TCAIM: variants seen among roughly 807,000 people sequenced by gnomAD.
The protein encoded by TCAIM is T cell activation inhibitor, mitochondrial.
TCAIM carries 36 observed loss-of-function variants against 58.6 expected under a neutral mutation model. The ratio of observed to expected loss-of-function variants is 0.61; its 90% CI spans 0.47 to 0.81. TCAIM has a LOEUF of 0.81. TCAIM is among the 30% of genes least tolerant of loss of function. TCAIM has a pLI of 0.00. For missense variants in TCAIM, 466 were observed against 579.6 expected (o/e 0.80, Z 2.01); for synonymous variants, 172 against 193.6 (o/e 0.89, Z 0.93).
At chr3:44,361,705 G>A (rs745826992) in intron 4 of TCAIM, among the ~76,000 whole-genome samples, 187 bp downstream of exon 4, 10 of 152,194 alleles carry the variant, frequency 6.6e-5, no homozygotes, top group East Asian at 1.9e-4. Context: ...GATTTTTTGC[G>A]TGTTTAAACG....
At chr3:44,375,863 A>G (rs1701557119) in intron 5 of TCAIM, among the ~76,000 whole-genome samples, 1 of 152,244 alleles carries the variant, frequency 6.6e-6, no homozygotes, top group African/African-American at 2.4e-5. Context: ...GAAAACAGAC[A>G]TTCACACAAA....
intron 5 of TCAIM, among the ~76,000 whole-genome samples, chr3:44,387,905 G>A (rs766716317): frequency 1.1e-4 from 17 of 152,038 alleles, no homozygotes; most frequent in Non-Finnish European, 1.8e-4. Flanking sequence ...AAAAGTTAGA[G>A]ACTAAAATAA....
At chr3:44,340,184 G>C (rs1425660147) in intron 1 of TCAIM, 2 of 152,206 alleles carry the variant, frequency 1.3e-5, no homozygotes, top group Non-Finnish European at 2.9e-5. Flanking sequence ...TCAGTCAGCT[G>C]ATAGTAATTT....
chr3:44,396,445 T>C lies in TCAIM; in HGVS notation c.741T>C (p.His247=). 2.5e-6 allele frequency: 4 copies of C among 1,613,948 alleles called. No individual in the cohort carries two copies. Among genetic ancestry groups the C allele is most frequent in the Non-Finnish European group, 3.4e-6 (4 of 1,180,008 alleles). The change falls in exon 7 of 11, where the codon CAT becomes CAC. Residue 247 remains histidine, a synonymous_variant. Coordinates refer to ENST00000342649, the MANE Select transcript of TCAIM (RefSeq NM_173826.4). ...WGIAHRCSQL[H]SLSRLAQQNL... is the part of the protein sequence containing the mutation. The stretch of plus-strand genomic sequence containing the variant: ...TCGCCCACCGCTGTAGCCAGCTGCA[T>C]AGTTTAAGCCGCTTAGCACAGCAGA...
chr3:44,339,923 A>G (rs1020071191), intron 1 of TCAIM: 4 of 152,202 alleles, frequency 2.6e-5, no homozygotes, highest in African/African-American at 4.8e-5. Flanking sequence ...GACCTGGCCC[A>G]TAAGTGGTGA....
chr3:44,368,018 C>T lies in TCAIM; in HGVS notation c.572+310C>T, dbSNP rs182747396. 3.8e-5 allele frequency: 10 copies of T among 262,356 alleles called. No homozygotes were observed. In the Admixed American group the frequency reaches 3.9e-4, roughly 10 times the overall value. The allele number at this position is 262,356 out of a possible 1,614,324, so 16.3% of individuals were successfully genotyped here. On this transcript the variant is annotated intron_variant, in intron 5 of 10. Transcript: ENST00000342649. ...ACTTTTAAAAATTCTATTCAAGTTA[C>T]CCCCGGTACATGGAGAAAGGCTATA...
chr3:44,380,939 A>G (rs1222048233), intron 5 of TCAIM, among the ~76,000 whole-genome samples: 3 of 152,196 alleles, frequency 2.0e-5, no homozygotes, highest in Non-Finnish European at 2.9e-5. Flanking sequence ...AAAATCTACC[A>G]AGACTAAAGC....
At chr3:44,356,643 A>T (rs903678008) in intron 2 of TCAIM, among the ~76,000 whole-genome samples, 1 of 151,832 alleles carries the variant, frequency 6.6e-6, no homozygotes, top group East Asian at 1.9e-4. Context: ...TTTAAAAAAC[A>T]CTCCCAGGTG....
chr3:44,407,977 G>A lies in TCAIM; in HGVS notation c.*295G>A, dbSNP rs1702126792. 4.7e-6 allele frequency: 1 copy of A among 211,572 alleles called. No individual in the cohort carries two copies. Among genetic ancestry groups the A allele is most frequent in the Non-Finnish European group, 9.3e-6 (1 of 108,092 alleles). 13.1% of individuals were successfully genotyped at this position (211,572 alleles called of 1,614,324 possible). A position where few individuals can be genotyped will look rare whatever the true frequency, so the allele number is the denominator to read the frequency against. On this transcript the variant is annotated 3_prime_UTR_variant, in exon 11 of 11. Transcript: ENST00000342649. ...AGATTGCACCATTGCCCTCCAGCCT[G>A]AGCAACAGAACAAGACCTTGTCTCA...
chr3:44,345,254 A>G (rs1211888568), intron 1 of TCAIM, among the ~76,000 whole-genome samples: 1 of 151,976 alleles, frequency 6.6e-6, no homozygotes, highest in Non-Finnish European at 1.5e-5. Context: ...GTTGTATAGA[A>G]TGATTGGTGA....
At chr3:44,344,821 T>G (rs895857297) in intron 1 of TCAIM, among the ~76,000 whole-genome samples, 2 of 151,830 alleles carry the variant, frequency 1.3e-5, no homozygotes, top group Non-Finnish European at 2.9e-5. Context: ...AAGATTACAG[T>G]CAAAGGGGAT....
intron 6 of TCAIM, 55 bp downstream of exon 6, chr3:44,393,032 C>G: frequency 1.3e-6 from 2 of 1,509,022 alleles, no homozygotes; most frequent in Non-Finnish European, 1.8e-6. Flanking sequence ...GAATTACCAA[C>G]TGATAAGCTT....
At chr3:44,397,115 T>C (rs903916703) in intron 8 of TCAIM, among the ~76,000 whole-genome samples, 2 of 152,252 alleles carry the variant, frequency 1.3e-5, no homozygotes, top group South Asian at 2.1e-4. Flanking sequence ...TTTGTTTTAC[T>C]TGTTCTTAAC....
intron 1 of TCAIM, chr3:44,339,638 A>G (rs996464563): frequency 3.3e-5 from 5 of 152,208 alleles, no homozygotes; most frequent in African/African-American, 4.8e-5. Flanking sequence ...GTCATTTACA[A>G]TGGTTTGTAA....
intron 5 of TCAIM, among the ~76,000 whole-genome samples, chr3:44,379,115 C>G (rs1701614350): frequency 6.6e-6 from 1 of 150,782 alleles, no homozygotes; most frequent in East Asian, 2.0e-4. Flanking sequence ...GGGTGGGGTG[C>G]ATGCAGAGAT....
At chr3:44,340,568 G>A (rs1700835882) in intron 1 of TCAIM, 1 of 152,114 alleles carries the variant, frequency 6.6e-6, no homozygotes, top group Non-Finnish European at 1.5e-5. Context: ...AGCATAAATT[G>A]GGTAGCTAAA....
At chr3:44,407,249 C>G (rs1702114650) in intron 10 of TCAIM, among the ~76,000 whole-genome samples, 193 bp from the exon 11 acceptor site, 1 of 152,078 alleles carries the variant, frequency 6.6e-6, no homozygotes, top group Non-Finnish European at 1.5e-5. Context: ...GACAGTAACT[C>G]AAAAGATTTA....
At chr3:44,350,247 G>T (rs1047761337) in intron 1 of TCAIM, among the ~76,000 whole-genome samples, 6 of 152,108 alleles carry the variant, frequency 3.9e-5, no homozygotes, top group African/African-American at 7.2e-5. Context: ...TGCTCAGTGG[G>T]GGAGCTTCTG....
At chr3:44,387,579 G>A (rs554526480) in intron 5 of TCAIM, among the ~76,000 whole-genome samples, 6 of 152,312 alleles carry the variant, frequency 3.9e-5, no homozygotes, top group African/African-American at 7.2e-5. Context: ...GGGTTTGCCC[G>A]CTCTCCACTG....
Sources: allele counts gnomAD v4.1 joint callset (sites outside exome capture counted in the v4.1 genomes callset), GRCh38; gene constraint gnomAD v4.1.1; transcripts MANE v1.5; gene names NCBI Gene and HGNC (gene_info 2026-07-23, HGNC 2026-07-21).